Variants in MTUS2 observed in about 807,000 individuals in gnomAD.
MTUS2 encodes the protein microtubule associated scaffold protein 2, also known as microtubule-associated tumor suppressor candidate 2.
A neutral mutation model predicts 114.1 loss-of-function variants in MTUS2; 40 were observed. That is an observed-to-expected ratio of 0.35 (90% CI 0.27 to 0.46). The LOEUF (loss-of-function observed/expected upper bound fraction) is 0.46, where lower values mean the gene tolerates loss of function less well. MTUS2 is among the 20% of genes least tolerant of loss of function. MTUS2 has a pLI of 1.00. For missense variants in MTUS2, 1,679 were observed against 1,705.4 expected (o/e 0.98, Z 0.27); for synonymous variants, 688 against 672.0 (o/e 1.02, Z -0.37).
chr13:29,425,149 C>A (rs552150952), intron 8 of MTUS2, among the ~76,000 whole-genome samples: 1 of 152,306 alleles, frequency 6.6e-6, no homozygotes, highest in South Asian at 2.1e-4. Flanking sequence ...TGCAGTGGCT[C>A]ACACCTGTAA....
chr13:29,478,349 G>C (rs1352822493), intron 9 of MTUS2, among the ~76,000 whole-genome samples: 1 of 152,148 alleles, frequency 6.6e-6, no homozygotes, highest in Non-Finnish European at 1.5e-5. Context: ...TTATTTGTAG[G>C]GAATGTACAT....
chr13:28,837,458 C>T (rs1449832175), intron 1 of MTUS2, among the ~76,000 whole-genome samples: 1 of 152,146 alleles, frequency 6.6e-6, no homozygotes, highest in East Asian at 1.9e-4. Flanking sequence ...TTGGTAATTA[C>T]CAGTGGCCTA....
intron 5 of MTUS2, among the ~76,000 whole-genome samples, chr13:29,119,695 A>C (rs1891229645): frequency 6.6e-6 from 1 of 152,136 alleles, no homozygotes; most frequent in Admixed American, 6.5e-5. Context: ...GAAGAGAGCA[A>C]ATTCAACCTC....
At chr13:28,824,876 TG>T (rs1486128557) in intron 1 of MTUS2, among the ~76,000 whole-genome samples, 1 of 152,024 alleles carries the variant, frequency 6.6e-6, no homozygotes, top group Non-Finnish European at 1.5e-5. Context: ...AAATCAGAGA[TG>T]GGGGAGCAGG....
intron 2 of MTUS2, among the ~76,000 whole-genome samples, chr13:28,922,926 A>G (rs1327160470): frequency 1.3e-5 from 2 of 152,192 alleles, no homozygotes; most frequent in Non-Finnish European, 2.9e-5. Flanking sequence ...ATTTCTTAAA[A>G]TACTCTTTTA....
intron 2 of MTUS2, among the ~76,000 whole-genome samples, chr13:28,939,980 A>T (rs912951757): frequency 6.6e-6 from 1 of 152,128 alleles, no homozygotes; most frequent in Non-Finnish European, 1.5e-5. Flanking sequence ...ATCAGATCTC[A>T]TGAGACTTAC....
At chr13:29,437,320 C>G (rs1424708835) in intron 8 of MTUS2, among the ~76,000 whole-genome samples, 1 of 152,128 alleles carries the variant, frequency 6.6e-6, no homozygotes, top group Non-Finnish European at 1.5e-5. Flanking sequence ...AATTCTCTGG[C>G]TGTGTTTAGA....
At chr13:29,274,294 T>G (rs1897981220) in intron 5 of MTUS2, among the ~76,000 whole-genome samples, 1 of 152,134 alleles carries the variant, frequency 6.6e-6, no homozygotes, top group Non-Finnish European at 1.5e-5. Context: ...GTATTTTTAG[T>G]AGAGACGGGG....
chr13:29,160,306 T>G (rs1893038815), intron 5 of MTUS2, among the ~76,000 whole-genome samples: 2 of 152,258 alleles, frequency 1.3e-5, no homozygotes, highest in African/African-American at 4.8e-5. Flanking sequence ...AATCTCTTTT[T>G]TCTTCTTTGT....
chr13:28,865,322 T>C (rs1197399187), intron 2 of MTUS2, among the ~76,000 whole-genome samples: 1 of 152,166 alleles, frequency 6.6e-6, no homozygotes, highest in African/African-American at 2.4e-5. Context: ...TTCAGAGTAA[T>C]GAGCATGGTG....
intron 9 of MTUS2, among the ~76,000 whole-genome samples, chr13:29,471,885 G>A (rs1880342838): frequency 6.6e-6 from 1 of 152,164 alleles, no homozygotes; most frequent in African/African-American, 2.4e-5. Context: ...TGGCACCCAG[G>A]AAGCACTCGC....
At chr13:28,915,843 G>A (rs577079952) in intron 2 of MTUS2, among the ~76,000 whole-genome samples, 2 of 151,710 alleles carry the variant, frequency 1.3e-5, no homozygotes, top group African/African-American at 4.8e-5. Flanking sequence ...GCCTGTCCTT[G>A]TGGGTTATTA....
intron 2 of MTUS2, among the ~76,000 whole-genome samples, chr13:28,996,802 A>G (rs1328690040): frequency 6.6e-6 from 1 of 152,028 alleles, no homozygotes; most frequent in Non-Finnish European, 1.5e-5. Context: ...CTTCTTTATT[A>G]GTCTTGCTAG....
At chr13:29,009,099 T>C (rs1022094273) in intron 2 of MTUS2, among the ~76,000 whole-genome samples, 6 of 152,016 alleles carry the variant, frequency 3.9e-5, no homozygotes, top group Non-Finnish European at 8.8e-5. Flanking sequence ...ATTTTAATTG[T>C]CATATTTTTT....
At chr13:29,389,310 T>C (rs1481492778) in intron 8 of MTUS2, among the ~76,000 whole-genome samples, 1 of 146,756 alleles carries the variant, frequency 6.8e-6, no homozygotes, top group African/African-American at 2.5e-5. Context: ...TATGTGTATA[T>C]ATGTATACAC....
At chr13:29,187,227 C>T (rs1894262864) in intron 5 of MTUS2, among the ~76,000 whole-genome samples, 1 of 150,648 alleles carries the variant, frequency 6.6e-6, no homozygotes, top group Non-Finnish European at 1.5e-5. Flanking sequence ...AAATCCAAAG[C>T]AAGTAGAAGG....
chr13:29,381,374 C>T (rs370156681), intron 8 of MTUS2, among the ~76,000 whole-genome samples: 1 of 152,084 alleles, frequency 6.6e-6, no homozygotes, highest in Non-Finnish European at 1.5e-5. Flanking sequence ...TAGCATATAG[C>T]GTAGTTACAG....
At chr13:29,319,012 G>A (rs1011444427) in intron 6 of MTUS2, among the ~76,000 whole-genome samples, 8 of 152,166 alleles carry the variant, frequency 5.3e-5, no homozygotes, top group Non-Finnish European at 7.4e-5. Flanking sequence ...CTTCCTTCCC[G>A]GCAAAAGCCC....
chr13:29,422,685 T>C (rs894250514), intron 8 of MTUS2, among the ~76,000 whole-genome samples: 4 of 125,974 alleles, frequency 3.2e-5, no homozygotes, highest in Non-Finnish European at 6.4e-5. Context: ...AGATGGAATC[T>C]GGCCCTGTTT....
Sources: gnomAD v4.1 joint callset for allele counts (sites outside exome capture counted in the v4.1 genomes callset) on GRCh38, gnomAD v4.1.1 for gene constraint, MANE v1.5 for transcripts, NCBI Gene and HGNC (gene_info 2026-07-23, HGNC 2026-07-21) for gene names.